The following FAM149A variants were observed in gnomAD, a reference collection of about 807,000 sequenced individuals.
FAM149A encodes the protein protein FAM149A.
Under a neutral mutation model 78.2 loss-of-function variants are expected in FAM149A, and 71 were observed. That is an observed-to-expected ratio of 0.91 (90% CI 0.75 to 1.11). FAM149A has a LOEUF of 1.11. Ranked by LOEUF, FAM149A falls within the 50% of genes least tolerant of loss-of-function variation. The pLI, the probability that FAM149A is intolerant of heterozygous loss-of-function variation, is 0.00. For synonymous variants in FAM149A, 446 were observed against 410.5 expected (o/e 1.09, Z -1.04); for missense variants, 1,036 against 971.0 (o/e 1.07, Z -0.89).
rs373378003 is a variant in FAM149A, at chr4:186,167,050, C to G, written c.2093C>G (p.Ala698Gly). Residue 698 changes from alanine to glycine, a missense_variant, in exon 12 of 14, where the codon GCC (alanine) becomes GGC (glycine). Ala to Gly is a moderately conservative substitution (Grantham distance 60, BLOSUM62 0). Coordinates refer to ENST00000389354, the MANE Select transcript of FAM149A (RefSeq NM_001367768.3). ...CGATCGCGTCTTCGAGAAAGAACAG[C>G]CACCCTGGAACGGTTGTCAAGGCCC... 6.2e-7 allele frequency: 1 copy of G among 1,614,154 alleles called. No homozygotes were observed. The highest frequency in any genetic ancestry group is 8.5e-7 in the Non-Finnish European group (1 of 1,180,006).
chr4:186,118,188 T>C, intron 1 of FAM149A: 1 of 985,448 alleles, frequency 1.0e-6, no homozygotes, highest in South Asian at 4.7e-5. Flanking sequence ...ATACAACAGA[T>C]GACATCACAC....
rs1247282046 is a variant in FAM149A, at chr4:186,144,757, G to T, written c.567-4416G>T. Reference sequence around the variant, plus strand: ...GGCCGGGGCCGGGGCCCGGAGCGGGGATGGGCGGGCGCAGCCGGGATTAGC... The same window carrying T: ...GGCCGGGGCCGGGGCCCGGAGCGGGTATGGGCGGGCGCAGCCGGGATTAGC... On this transcript the variant is annotated intron_variant, in intron 1 of 13. Transcript: ENST00000389354. The surrounding 1 kb of genome is among the most constrained non-coding windows in gnomAD (Gnocchi z 4.2). The T allele has an allele frequency of 1.1e-6, 1 of 929,200 alleles. No homozygotes were observed. Among genetic ancestry groups the T allele is most frequent in the Non-Finnish European group, 1.3e-6 (1 of 780,152 alleles). 57.6% of individuals were successfully genotyped at this position (929,200 alleles called of 1,614,324 possible).
intron 1 of FAM149A, among the ~76,000 whole-genome samples, chr4:186,129,407 G>A (rs2099319660): frequency 6.6e-6 from 1 of 150,794 alleles, no homozygotes; most frequent in South Asian, 2.1e-4. Flanking sequence ...AGGAAAAACT[G>A]TGTATTTCAC....
chr4:186,140,646 C>T (rs541866073), intron 1 of FAM149A, among the ~76,000 whole-genome samples: 78 of 152,068 alleles, frequency 5.1e-4, no homozygotes, highest in Non-Finnish European at 9.6e-4. Context: ...GAATTGAGGT[C>T]TCCCATTTAA....
intron 8 of FAM149A, chr4:186,158,726 C>G (rs1413563596): frequency 6.4e-6 from 7 of 1,099,396 alleles, no homozygotes; most frequent in African/African-American, 1.7e-5. Context: ...GCAGGTACCC[C>G]CTGTGCCTAT....
chr4:186,125,544 G>C (rs1164783999), intron 1 of FAM149A, among the ~76,000 whole-genome samples: 4 of 152,118 alleles, frequency 2.6e-5, no homozygotes, highest in African/African-American at 7.2e-5. Context: ...ATCCAAGCAG[G>C]GATGTCAATG....
intron 1 of FAM149A, among the ~76,000 whole-genome samples, chr4:186,120,344 T>A (rs2099315441): frequency 6.6e-6 from 1 of 152,194 alleles, no homozygotes; most frequent in African/African-American, 2.4e-5. Context: ...TTCCTGGAAA[T>A]CAATCTATAT....
intron 1 of FAM149A, chr4:186,127,042 G>A (rs1279157149): frequency 2.1e-5 from 21 of 985,172 alleles, no homozygotes; most frequent in Admixed American, 1.2e-4. Flanking sequence ...CAAGTGTTGC[G>A]GGCAGGACAG....
At chr4:186,140,368 C>T (rs952198193) in intron 1 of FAM149A, among the ~76,000 whole-genome samples, 2 of 151,494 alleles carry the variant, frequency 1.3e-5, no homozygotes, top group African/African-American at 2.4e-5. Flanking sequence ...CCTCCATCTC[C>T]GGGGCTCTAA....
intron 1 of FAM149A, among the ~76,000 whole-genome samples, chr4:186,139,006 CATTT>C (rs1388804013): frequency 1.3e-5 from 2 of 152,160 alleles, no homozygotes; most frequent in Non-Finnish European, 2.9e-5. Context: ...CTCTTCTCCC[CATTT>C]ATTTATTTAT....
rs536535863 is a variant in FAM149A, at chr4:186,116,319, G to C, written c.566+10677G>C. ...GGCACTCCCTAGTGAGATGCACCCG[G>C]TACCTCAGATGGAAATGCAGAAATC... On this transcript the variant is annotated intron_variant, in intron 1 of 13. Coordinates refer to ENST00000389354, the MANE Select transcript of FAM149A (RefSeq NM_001367768.3). 2.2e-3 allele frequency: 612 copies of C among 283,326 alleles called. 8 individuals are homozygous for C. Among genetic ancestry groups the C allele is most frequent in the African/African-American group, 0.013 (580 of 43,140 alleles). 17.6% of individuals were successfully genotyped at this position (283,326 alleles called of 1,614,324 possible).
rs1262426995 is a variant in FAM149A at position 186,117,875 on chromosome 4, A to C, written c.566+12233A>C. On this transcript the variant is annotated intron_variant, in intron 1 of 13. Transcript: ENST00000389354. The stretch of plus-strand genomic sequence containing the variant: ...AAGATATTGAACTGACAAATCTCCC[A>C]AGACCGGCAACACATAGGTGAGGCT... The C allele has an allele frequency of 7.2e-6, 7 of 977,468 alleles. No individual in the cohort carries two copies. In the African/African-American group the frequency reaches 1.1e-4, roughly 15 times the overall value. 60.5% of individuals were successfully genotyped at this position (977,468 alleles called of 1,614,324 possible).
chr4:186,168,184 G>A (rs1305564015), intron 13 of FAM149A, among the ~76,000 whole-genome samples: 1 of 152,204 alleles, frequency 6.6e-6, no homozygotes, highest in Non-Finnish European at 1.5e-5. Flanking sequence ...GCATAGTGAT[G>A]TCGAGATTCT....
chr4:186,163,528 C>T lies in FAM149A; in HGVS notation c.1784C>T (p.Ala595Val). 6.2e-7 allele frequency: 1 copy of T among 1,614,150 alleles called. No homozygotes were observed. The highest frequency in any genetic ancestry group is 8.5e-7 in the Non-Finnish European group (1 of 1,179,994). ...GACACTCATGGATTATCACCTTCTG[C>T]AAAGAAAACACCAGTGCCCTGGAGG... Residue 595 changes from alanine to valine, a missense_variant, in exon 10 of 14, where the codon GCA (alanine) becomes GTA (valine). Around this residue, in one of 3 missense-constraint regions of FAM149A, gnomAD observed 716 missense variants for 711.8 expected, o/e 1.01. Transcript: ENST00000389354.
chr4:186,105,178 T>C lies in FAM149A; in HGVS notation c.102T>C (p.Ala34=), dbSNP rs1331427364. Residue 34 remains alanine, a synonymous_variant, in exon 1 of 14, where the codon GCT becomes GCC. Transcript: ENST00000389354. ...CCTCCTCCAGACCCTCGGGAGGTGC[T>C]GCCGCTGCAGGGTCGGGGGGCTCCA... The C allele has an allele frequency of 1.6e-6, 2 of 1,275,920 alleles. No individual in the cohort carries two copies. Among genetic ancestry groups the C allele is most frequent in the African/African-American group, 1.6e-5 (1 of 63,282 alleles). 79.0% of individuals were successfully genotyped at this position (1,275,920 alleles called of 1,614,324 possible).
At chr4:186,110,339 T>TCCC in intron 1 of FAM149A, 1 of 984,908 alleles carries the variant, frequency 1.0e-6, no homozygotes, top group Non-Finnish European at 1.2e-6. Context: ...GACTTAGCAT[T>TCCC]TCCTCAGGGA....
chr4:186,125,722 G>C (rs1002855490), intron 1 of FAM149A: 2 of 984,762 alleles, frequency 2.0e-6, no homozygotes, highest in East Asian at 2.3e-4. Flanking sequence ...TACTATTATT[G>C]TGAATAGCTG....
At position 186,125,833 on chromosome 4, in the gene FAM149A, G is replaced by A. The variant is rs1293088292; in HGVS notation, c.566+20191G>A. On this transcript the variant is annotated intron_variant, in intron 1 of 13. Coordinates refer to ENST00000389354, the MANE Select transcript of FAM149A (RefSeq NM_001367768.3). The stretch of plus-strand genomic sequence containing the variant: ...TGGAAGGGAGGCCAAAAAGAAATAC[G>A]AGGTAGGGATGAGATGTTGAAGAAG... 5 of 985,290 alleles carry A rather than the reference G, an allele frequency of 5.1e-6. No homozygotes were observed. The African/African-American group carries it at 5.2e-5, about 10-fold the overall frequency. The allele number at this position is 985,290 out of a possible 1,614,324, so 61.0% of individuals were successfully genotyped here. A position where few individuals can be genotyped will look rare whatever the true frequency, so the allele number is the denominator to read the frequency against.
intron 6 of FAM149A, among the ~76,000 whole-genome samples, chr4:186,155,678 A>G (rs1031413513): frequency 1.2e-4 from 19 of 152,148 alleles, no homozygotes; most frequent in Non-Finnish European, 2.6e-4. Flanking sequence ...GAAATAAACA[A>G]CCTAACTTTA....
Sources: gnomAD v4.1 joint callset for allele counts (sites outside exome capture counted in the v4.1 genomes callset) on GRCh38, gnomAD v4.1.1 for gene constraint, gnomAD v4.1.1 regional missense constraint, Gnocchi (gnomAD v3.1) non-coding constraint, MANE v1.5 for transcripts, NCBI Gene and HGNC (gene_info 2026-07-23, HGNC 2026-07-21) for gene names.